NTRK2: variants seen among roughly 807,000 people sequenced by gnomAD.
The protein encoded by NTRK2 is neurotrophic receptor tyrosine kinase 2, also known as BDNF/NT-3 growth factors receptor.
Under a neutral mutation model 94.5 loss-of-function variants are expected in NTRK2, and 13 were observed. The observed-to-expected ratio is 0.14, with a 90% CI of 0.09 to 0.22. The LOEUF is 0.22. NTRK2 is among the 10% of genes least tolerant of loss of function. The pLI is 1.00. For missense variants in NTRK2, 639 were observed against 1,071.2 expected, an observed-to-expected ratio of 0.60 and a Z score of 5.63; for synonymous variants, 372 against 407.4, an observed-to-expected ratio of 0.91 and a Z score of 1.05.
chr9:84,813,636 G>T (rs1489493385), intron 12 of NTRK2: 4 of 1,065,918 alleles, frequency 3.8e-6, no homozygotes, highest in Non-Finnish European at 4.5e-6. Context: ...ACCCTCAGCT[G>T]TCTCCCTTTG....
Position 85,023,200 on chromosome 9 carries a change from G to A in NTRK2, c.*1763G>A, listed in dbSNP as rs200186375. 4.3e-6 allele frequency: 1 copy of A among 232,900 alleles called. No individual in the cohort carries two copies. The highest frequency in any genetic ancestry group is 8.5e-6 in the Non-Finnish European group (1 of 117,900). 14.4% of individuals were successfully genotyped at this position (232,900 alleles called of 1,614,324 possible). On this transcript the variant is annotated 3_prime_UTR_variant, in exon 19 of 19. Transcript: ENST00000277120. ...TTGAATGGTCAGATATACCAAGAAA[G>A]AAAAATATTTCTGTTCCTCAAGAAA...
chr9:84,707,134 A>C (rs1178387018), intron 4 of NTRK2, among the ~76,000 whole-genome samples: 1 of 152,118 alleles, frequency 6.6e-6, no homozygotes, highest in African/African-American at 2.4e-5. Flanking sequence ...TATAGAATCA[A>C]ATTACATGTT....
chr9:84,693,447 C>A (rs1427533247), intron 2 of NTRK2, among the ~76,000 whole-genome samples: 1 of 152,094 alleles, frequency 6.6e-6, no homozygotes, highest in Non-Finnish European at 1.5e-5. Context: ...GCTATATAAA[C>A]ACTCAGAGAG....
Position 84,710,004 on chromosome 9 carries a change from T to A in NTRK2, c.429-633T>A, listed in dbSNP as rs559995357. ...GTGTGTGTGTGTGTGTGTGTGTGTG[T>A]GAAGGAGGTCTACAGCTTCCTTTCA... On this transcript the variant is annotated intron_variant, in intron 5 of 18. Coordinates refer to ENST00000277120, the MANE Select transcript of NTRK2 (RefSeq NM_006180.6). Among the ~76,000 whole-genome samples the A allele has an allele frequency of 2.7e-5, 4 of 149,888 alleles. No homozygotes were observed. The East Asian group carries it at 5.9e-4, about 22-fold the overall frequency.
At chr9:84,955,215 C>A in intron 16 of NTRK2, 68 bp from the exon 17 acceptor site, 2 of 1,325,650 alleles carry the variant, frequency 1.5e-6, no homozygotes, top group Non-Finnish European at 2.1e-6. Flanking sequence ...CGGGGAGGGG[C>A]AGGGGCAAAG....
At chr9:84,732,776 T>C (rs2062979894) in intron 9 of NTRK2, among the ~76,000 whole-genome samples, 1 of 152,208 alleles carries the variant, frequency 6.6e-6, no homozygotes, top group Non-Finnish European at 1.5e-5. Context: ...GGCTTTGTGC[T>C]CTTGGAACCT....
At chr9:84,806,664 A>G (rs2071154345) in intron 12 of NTRK2, among the ~76,000 whole-genome samples, 1 of 152,224 alleles carries the variant, frequency 6.6e-6, no homozygotes, top group Non-Finnish European at 1.5e-5. Context: ...TATCTATAAA[A>G]TAGAAAAAGC....
At chr9:84,953,637 T>C (rs1027652397) in intron 16 of NTRK2, among the ~76,000 whole-genome samples, 1 of 152,090 alleles carries the variant, frequency 6.6e-6, no homozygotes, top group African/African-American at 2.4e-5. Flanking sequence ...GTGGTTTGAG[T>C]AGAGGTGAAA....
intron 12 of NTRK2, among the ~76,000 whole-genome samples, chr9:84,828,993 TTTG>T (rs200375099): frequency 0.058 from 8,799 of 151,796 alleles, 324 homozygotes; most frequent in African/African-American, 0.092. Flanking sequence ...GTGTTTTTTT[TTTG>T]TTGTTTGTTT....
At chr9:84,730,606 A>G (rs937064818) in intron 9 of NTRK2, among the ~76,000 whole-genome samples, 12 of 141,034 alleles carry the variant, frequency 8.5e-5, no homozygotes, top group South Asian at 2.2e-4. Flanking sequence ...CGGGCGTGGT[A>G]GCGGGCGCCT....
At chr9:84,830,959 A>G (rs966681566) in intron 12 of NTRK2, among the ~76,000 whole-genome samples, 4 of 152,158 alleles carry the variant, frequency 2.6e-5, no homozygotes, top group African/African-American at 9.7e-5. Context: ...AAATATTTTT[A>G]TTTCCTATTA....
chr9:84,709,961 C>CTGTGTGTGTGTGTG (rs35954183), intron 5 of NTRK2, among the ~76,000 whole-genome samples: 15 of 115,346 alleles, frequency 1.3e-4, no homozygotes, highest in African/African-American at 4.3e-4. Flanking sequence ...ATAGCTTGCT[C>CTGTGTGTGTGTGTG]TGTGTGTGTG....
chr9:84,832,458 C>G (rs1475964358), intron 12 of NTRK2, among the ~76,000 whole-genome samples: 3 of 152,174 alleles, frequency 2.0e-5, no homozygotes, highest in Non-Finnish European at 4.4e-5. Context: ...TCCTGGGAAG[C>G]TGACATTTCT....
At chr9:84,761,949 A>C (rs1485385943) in intron 12 of NTRK2, among the ~76,000 whole-genome samples, 3 of 152,050 alleles carry the variant, frequency 2.0e-5, no homozygotes, top group African/African-American at 4.8e-5. Context: ...ACCTGATGGG[A>C]GGCAATTGAA....
chr9:84,729,815 T>A (rs1478158986), intron 9 of NTRK2, among the ~76,000 whole-genome samples: 2 of 152,212 alleles, frequency 1.3e-5, no homozygotes, highest in African/African-American at 4.8e-5. Flanking sequence ...TTGATATCAA[T>A]GCACAGTACT....
At chr9:84,905,106 A>C (rs1229425772) in intron 14 of NTRK2, among the ~76,000 whole-genome samples, 2 of 152,194 alleles carry the variant, frequency 1.3e-5, no homozygotes, top group Non-Finnish European at 2.9e-5. Flanking sequence ...TGCTAGGTAG[A>C]GTTATCTTTA....
intron 12 of NTRK2, among the ~76,000 whole-genome samples, chr9:84,786,753 G>C (rs79194573): frequency 0.019 from 2,824 of 152,270 alleles, 85 homozygotes; most frequent in African/African-American, 0.064. Flanking sequence ...TGGCCACCAC[G>C]TGTGTGTGCT....
intron 2 of NTRK2, among the ~76,000 whole-genome samples, chr9:84,681,411 A>G (rs2059383651): frequency 6.6e-6 from 1 of 152,132 alleles, no homozygotes; most frequent in African/African-American, 2.4e-5. Flanking sequence ...TATTTCCTAA[A>G]TCTAATTTTT....
intron 12 of NTRK2, among the ~76,000 whole-genome samples, chr9:84,794,528 A>T (rs887634160): frequency 6.6e-6 from 1 of 152,240 alleles, no homozygotes. Flanking sequence ...GTTACTTATC[A>T]TCTCAGCGGT....
Sources: allele counts gnomAD v4.1 joint callset (sites outside exome capture counted in the v4.1 genomes callset), GRCh38; gene constraint gnomAD v4.1.1; transcripts MANE v1.5; gene names NCBI Gene and HGNC (gene_info 2026-07-23, HGNC 2026-07-21).